NVL: variants seen among roughly 807,000 people sequenced by gnomAD.
The protein encoded by NVL is nuclear VCP like, also known as nuclear valosin-containing protein-like.
NVL carries 84 observed loss-of-function variants against 110.2 expected under a neutral mutation model. The ratio of observed to expected loss-of-function variants is 0.76; its 90% CI spans 0.64 to 0.91. The LOEUF (loss-of-function observed/expected upper bound fraction) is 0.91, where lower values mean the gene tolerates loss of function less well. NVL is among the 40% of genes least tolerant of loss of function. The pLI is 0.00. For synonymous variants in NVL, 354 were observed against 361.1 expected (o/e 0.98, Z 0.22); for missense variants, 882 against 1,035.9 (o/e 0.85, Z 2.04).
chr1:224,238,280 G>T (rs1295097210), intron 19 of NVL, among the ~76,000 whole-genome samples: 1 of 152,004 alleles, frequency 6.6e-6, no homozygotes, highest in African/African-American at 2.4e-5. Context: ...CGATCTGCCC[G>T]CCTTGGCCAC....
chr1:224,295,106 A>G lies in NVL; in HGVS notation c.1181-695T>C, dbSNP rs143636250. On this transcript the variant is annotated intron_variant, in intron 11 of 22. Transcript: ENST00000281701. ...ATTTCTCTCAGCTGAACCAGGATTG[A>G]ACAGCAGGGAGTCTGAGGTTATTTT... is the stretch of plus-strand genomic sequence containing the variant. Among the ~76,000 whole-genome samples, 120 of 152,348 alleles carry G rather than the reference A, an allele frequency of 7.9e-4. 4 individuals carry two copies. In the East Asian group the frequency reaches 0.018, roughly 23 times the overall value.
intron 15 of NVL, among the ~76,000 whole-genome samples, chr1:224,282,032 G>A (rs1571936737): frequency 6.7e-6 from 1 of 149,508 alleles, no homozygotes; most frequent in Admixed American, 6.7e-5. Context: ...AAACGTTAAT[G>A]TGTTAACGTA....
Position 224,300,642 on chromosome 1 carries a change from T to C in NVL, c.982A>G (p.Lys328Glu). The C allele has an allele frequency of 1.9e-6, 3 of 1,613,908 alleles. No homozygotes were observed. The highest frequency in any genetic ancestry group is 2.5e-6 in the Non-Finnish European group (3 of 1,179,858). ...GACACAATCTCTGGAGCAGCCACTTTCAAAATTGGCAGGTCAAGTTCCTAT... is the reference window on the plus strand; with the variant it reads ...GACACAATCTCTGGAGCAGCCACTTCCAAAATTGGCAGGTCAAGTTCCTAT... Reference protein sequence around the residue: ...IAGELDLPILKVAAPEIVSGV... With the variant: ...IAGELDLPILEVAAPEIVSGV... Residue 328 changes from lysine (K) to glutamate (E), a missense_variant, in exon 10 of 23, where the codon AAA becomes GAA. This residue lies in a region of NVL where 416 missense variants were observed against 499.3 expected (regional missense o/e 0.83). Transcript: ENST00000281701.
At position 224,294,270 on chromosome 1, in the gene NVL, T is replaced by G; in HGVS notation, c.1322A>C (p.Glu441Ala). ...ACTTCATTCTATAAGAATATACCTT[T>G]CCCTGGATGCTTCATCTGGGATACC... ...CLGIPDEASR[E>A]RILQTLCRKL... The change falls in exon 12 of 23, where the codon GAA becomes GCA. Residue 441 changes from glutamate (E) to alanine (A), a missense_variant. By Grantham distance (107) the Glu-to-Ala change is moderately radical (BLOSUM62 -1). Transcript: ENST00000281701. 6.2e-7 allele frequency: 1 copy of G among 1,614,148 alleles called. No homozygotes were observed. Among genetic ancestry groups the G allele is most frequent in the Non-Finnish European group, 8.5e-7 (1 of 1,180,030 alleles).
Position 224,236,521 on chromosome 1 carries a change from C to T in NVL, c.2351G>A (p.Arg784His), listed in dbSNP as rs761421541. ...VNLEAIAGDL[R>H]CDCYTGADLS... ...AAACACTTACGTATAGCAATCACAGCGAAGGTCACCAGCAATTGCTTCCAA... is the reference window on the plus strand; with the variant it reads ...AAACACTTACGTATAGCAATCACAGTGAAGGTCACCAGCAATTGCTTCCAA... The change falls in exon 20 of 23, where the codon CGC (arginine) becomes CAC (histidine). Residue 784 changes from arginine to histidine, a missense_variant. Around this residue, in one of 4 missense-constraint regions of NVL, gnomAD observed 126 missense variants for 140.7 expected, o/e 0.90. Transcript: ENST00000281701. 12 of 1,613,284 alleles carry T rather than the reference C, an allele frequency of 7.4e-6. No homozygotes were observed. Among genetic ancestry groups the T allele is most frequent in the South Asian group, 1.1e-5 (1 of 91,078 alleles).
intron 5 of NVL, among the ~76,000 whole-genome samples, chr1:224,311,570 T>C (rs2102738315): frequency 6.6e-6 from 1 of 152,158 alleles, no homozygotes; most frequent in South Asian, 2.1e-4. Context: ...GGTTTCACCA[T>C]GTTGGCCAGA....
chr1:224,310,498 C>A (rs776070984), intron 5 of NVL, among the ~76,000 whole-genome samples: 87 of 152,246 alleles, frequency 5.7e-4, no homozygotes, highest in South Asian at 8.3e-4. Context: ...CTATTAATTA[C>A]TCTATTCTTG....
chr1:224,263,930 A>G (rs1427466654), intron 18 of NVL, among the ~76,000 whole-genome samples: 2 of 152,164 alleles, frequency 1.3e-5, no homozygotes, highest in African/African-American at 4.8e-5. Flanking sequence ...CAGGAGAATC[A>G]CTTGAACCTG....
At chr1:224,326,178 A>G (rs1671126232) in intron 2 of NVL, among the ~76,000 whole-genome samples, 1 of 152,228 alleles carries the variant, frequency 6.6e-6, no homozygotes, top group Non-Finnish European at 1.5e-5. Flanking sequence ...AAAGATAAGC[A>G]GTGACCCATT....
chr1:224,268,325 C>CAA (rs1553315784), intron 17 of NVL, among the ~76,000 whole-genome samples, 192 bp from the exon 18 acceptor site: 1 of 151,980 alleles, frequency 6.6e-6, no homozygotes, highest in African/African-American at 2.4e-5. Flanking sequence ...CTATTATTAT[C>CAA]CAGTCTAAAT....
intron 18 of NVL, among the ~76,000 whole-genome samples, chr1:224,266,876 T>C (rs553639345): frequency 6.6e-6 from 1 of 152,372 alleles, no homozygotes. Flanking sequence ...TTAACTTTTG[T>C]GGCAATCCTG....
In NVL at chr1:224,263,803, GTA is replaced by G. The variant is rs149623774; in HGVS notation, c.2182+4229_2182+4230del. ...GACTGCTTCTTAAACATTTTTCAAT[GTA>G]TAAAGTAAAAACATCAGAAAGATTA... On this transcript the variant is annotated intron_variant, in intron 18 of 22. Transcript: ENST00000281701. 9.4e-3 allele frequency among the ~76,000 whole-genome samples: 1,432 copies of G among 152,248 alleles called. 17 individuals carry two copies. The highest frequency in any genetic ancestry group is 0.032 in the African/African-American group (1,330 of 41,538).
chr1:224,327,674 G>T (rs1276139660), intron 1 of NVL, among the ~76,000 whole-genome samples: 1 of 151,568 alleles, frequency 6.6e-6, no homozygotes, highest in Non-Finnish European at 1.5e-5. Context: ...TAGAATAAGG[G>T]ATATTCATTT....
intron 19 of NVL, 167 bp from the exon 20 acceptor site, chr1:224,236,749 A>G (rs531741544): frequency 1.1e-4 from 58 of 516,644 alleles, no homozygotes; most frequent in Non-Finnish European, 1.9e-4. Flanking sequence ...CATCTCTACT[A>G]CAAATACAAA....
At chr1:224,252,915 T>C (rs1662667180) in intron 18 of NVL, among the ~76,000 whole-genome samples, 1 of 152,256 alleles carries the variant, frequency 6.6e-6, no homozygotes. Context: ...TATAGATTAG[T>C]TTGCATTTTC....
rs1666070601 is a variant in NVL at position 224,279,174 on chromosome 1, AT to A, written c.1962+1948del. ...TAAAAATTCATCAGAAAAAAAACTG[AT>A]TTTTAAAGTATGGTTACATTCATTC... On this transcript the variant is annotated intron_variant, in intron 16 of 22. Coordinates refer to ENST00000281701, the MANE Select transcript of NVL (RefSeq NM_002533.4). Among the ~76,000 whole-genome samples, 3 of 152,376 alleles carry A rather than the reference AT, an allele frequency of 2.0e-5. No homozygotes were observed. The South Asian group carries it at 6.2e-4, about 32-fold the overall frequency.
intron 9 of NVL, 100 bp downstream of exon 9, chr1:224,303,623 G>C: frequency 8.0e-7 from 1 of 1,251,610 alleles, no homozygotes; most frequent in Non-Finnish European, 1.1e-6. Context: ...TTCTCTTCCT[G>C]AAGAATGCCA....
In NVL at chr1:224,317,569, G is replaced by A. The variant is rs116188421; in HGVS notation, c.284+125C>T. The A allele has an allele frequency of 4.7e-3, 2,942 of 631,460 alleles. 71 individuals are homozygous for A. In the African/African-American group the frequency reaches 0.048, roughly 10 times the overall value. The allele number at this position is 631,460 out of a possible 1,614,324, so 39.1% of individuals were successfully genotyped here. On this transcript the variant is annotated intron_variant, in intron 4 of 22. Transcript: ENST00000281701. ...GGAATAAAGAACATTCAATATGGCTGAAGAGGTTAGGTAAATATCACGCAG... is the reference window on the plus strand; with the variant it reads ...GGAATAAAGAACATTCAATATGGCTAAAGAGGTTAGGTAAATATCACGCAG...
Position 224,303,703 on chromosome 1 carries a change from CA to C in NVL, c.960+19del. On this transcript the variant is annotated intron_variant, in intron 9 of 22. Transcript: ENST00000281701. ...TAACAACAAAAACAGCAAAAGCAAA[CA>C]AATGTCAGCAAGCCTCACCCCAGCA... 1 of 1,590,430 alleles carries C rather than the reference CA, an allele frequency of 6.3e-7. No individual in the cohort carries two copies. The highest frequency in any genetic ancestry group is 8.6e-7 in the Non-Finnish European group (1 of 1,169,370).
Sources: gnomAD v4.1 joint callset for allele counts (sites outside exome capture counted in the v4.1 genomes callset) on GRCh38, gnomAD v4.1.1 for gene constraint, gnomAD v4.1.1 regional missense constraint, MANE v1.5 for transcripts, NCBI Gene and HGNC (gene_info 2026-07-23, HGNC 2026-07-21) for gene names.